Variants in RBL1 observed in about 807,000 individuals in gnomAD.
The protein encoded by RBL1 is retinoblastoma-like protein 1.
RBL1 carries 82 observed loss-of-function variants against 123.0 expected under a neutral mutation model. The ratio of observed to expected loss-of-function variants is 0.67; its 90% CI spans 0.56 to 0.80. The LOEUF (loss-of-function observed/expected upper bound fraction) is 0.80, where lower values mean the gene tolerates loss of function less well. Ranked by LOEUF, RBL1 falls within the 30% of genes least tolerant of loss-of-function variation. The pLI, the probability that RBL1 is intolerant of heterozygous loss-of-function variation, is 0.00. For missense variants in RBL1, 1,171 were observed against 1,299.6 expected (o/e 0.90, Z 1.52); for synonymous variants, 405 against 441.3 (o/e 0.92, Z 1.03).
At chr20:37,057,364 C>A (rs2065027516) in intron 9 of RBL1, among the ~76,000 whole-genome samples, 1 of 152,088 alleles carries the variant, frequency 6.6e-6, no homozygotes, top group South Asian at 2.1e-4. Flanking sequence ...CCAACACCTG[C>A]TATTTTGGTT....
chr20:37,069,037 G>A (rs1255973701), intron 2 of RBL1, among the ~76,000 whole-genome samples: 2 of 152,360 alleles, frequency 1.3e-5, no homozygotes, highest in African/African-American at 2.4e-5. Flanking sequence ...ACGGGGTTTC[G>A]CTGTGTTGGC....
Position 37,095,770 on chromosome 20 carries a change from C to A in RBL1, c.156+3G>T, listed in dbSNP as rs754618455. 17 of 1,584,978 alleles carry A rather than the reference C, an allele frequency of 1.1e-5. No individual in the cohort carries two copies. The highest frequency in any genetic ancestry group is 1.5e-5 in the Non-Finnish European group (17 of 1,162,212). On this transcript the variant is annotated splice_donor_region_variant and intron_variant, in intron 1 of 21. Coordinates refer to ENST00000373664, the MANE Select transcript of RBL1 (RefSeq NM_002895.5). ...TCCGGCCGCCCCACCTGCTGCCGCTCACCTCTAGGCTGTAGTTGCCTCGGA... is the reference window on the plus strand; with the variant it reads ...TCCGGCCGCCCCACCTGCTGCCGCTAACCTCTAGGCTGTAGTTGCCTCGGA...
intron 18 of RBL1, among the ~76,000 whole-genome samples, chr20:37,020,104 T>G (rs1369273621): frequency 6.6e-6 from 1 of 150,476 alleles, no homozygotes; most frequent in African/African-American, 2.4e-5. Context: ...TTTTTTTTTT[T>G]TTGAGACAGA....
At chr20:37,027,725 A>G (rs2064449055) in intron 16 of RBL1, among the ~76,000 whole-genome samples, 1 of 152,212 alleles carries the variant, frequency 6.6e-6, no homozygotes, top group African/African-American at 2.4e-5. Flanking sequence ...TCATATGCTA[A>G]TTTAAAGGGT....
At chr20:37,004,013 A>G (rs1414350970) in intron 20 of RBL1, 147 bp from the exon 21 acceptor site, 2 of 593,642 alleles carry the variant, frequency 3.4e-6, no homozygotes, top group Admixed American at 4.0e-5. Flanking sequence ...ATGATCCTTT[A>G]CTTCTTCTTT....
At position 37,095,760 on chromosome 20, in the gene RBL1, T is replaced by G. The variant is rs1204070347; in HGVS notation, c.156+13A>C. ...GAGGGTAGGGTCCGGCCGCCCCACC[T>G]GCTGCCGCTCACCTCTAGGCTGTAG... is the stretch of plus-strand genomic sequence containing the variant. On this transcript the variant is annotated intron_variant, in intron 1 of 21. Transcript: ENST00000373664. The G allele has an allele frequency of 6.3e-7, 1 of 1,575,082 alleles. No individual in the cohort carries two copies. The highest frequency in any genetic ancestry group is 8.7e-7 in the Non-Finnish European group (1 of 1,155,336).
intron 16 of RBL1, among the ~76,000 whole-genome samples, chr20:37,030,059 A>G (rs181293895): frequency 2.0e-5 from 3 of 152,212 alleles, no homozygotes; most frequent in Admixed American, 1.3e-4. Flanking sequence ...AAATTCCACA[A>G]TGTTTTTGCA....
chr20:37,061,303 A>G, intron 8 of RBL1, 34 bp from the exon 9 acceptor site: 2 of 1,599,800 alleles, frequency 1.3e-6, no homozygotes, highest in South Asian at 2.2e-5. Flanking sequence ...AGTTTTTAAA[A>G]GTTACCATCT....
At chr20:37,051,181 T>C (rs528008812) in intron 11 of RBL1, among the ~76,000 whole-genome samples, 38 of 92,506 alleles carry the variant, frequency 4.1e-4, no homozygotes, top group African/African-American at 1.6e-3. Context: ...CCACAGATCT[T>C]TTTTTCTTTT....
chr20:37,024,356 A>G (rs574985334), intron 16 of RBL1, among the ~76,000 whole-genome samples: 3 of 152,322 alleles, frequency 2.0e-5, no homozygotes, highest in South Asian at 4.1e-4. Context: ...AGAACTTTAT[A>G]TTCATGAAAG....
At position 37,009,596 on chromosome 20, in the gene RBL1, G is replaced by A. The variant is rs377386240; in HGVS notation, c.2723-2037C>T. On this transcript the variant is annotated intron_variant, in intron 19 of 21. Transcript: ENST00000373664. ...GCTGGTCTCTAACTCCTGGGCTCAA[G>A]TGATCCTCCCACCTTGGCCTCTCAA... Among the ~76,000 whole-genome samples the A allele has an allele frequency of 5.3e-5, 8 of 152,090 alleles. No homozygotes were observed. The South Asian group carries it at 1.7e-3, about 32-fold the overall frequency.
At position 37,042,902 on chromosome 20, in the gene RBL1, C is replaced by A. The variant is rs373947379; in HGVS notation, c.1770+1184G>T. On this transcript the variant is annotated intron_variant, in intron 13 of 21. Coordinates refer to ENST00000373664, the MANE Select transcript of RBL1 (RefSeq NM_002895.5). ...TGACAGAGTGAGATCTTGTCCCCCC[C>A]CCTCCAAAAAAAAAAAAAAAAAAGT... Among the ~76,000 whole-genome samples the A allele has an allele frequency of 9.8e-4, 114 of 116,656 alleles. 6 individuals are homozygous for A. Among genetic ancestry groups the A allele is most frequent in the Middle Eastern group, 3.7e-3 (1 of 270 alleles). 76.5% of individuals were successfully genotyped at this position (116,656 alleles called of 152,430 possible).
chr20:37,018,609 A>G (rs2064292741), intron 18 of RBL1, among the ~76,000 whole-genome samples: 1 of 152,214 alleles, frequency 6.6e-6, no homozygotes, highest in Non-Finnish European at 1.5e-5. Context: ...CAGAAGAAAT[A>G]GCAACTAAAG....
chr20:37,069,281 G>A (rs1333105583), intron 2 of RBL1, among the ~76,000 whole-genome samples: 3 of 150,930 alleles, frequency 2.0e-5, no homozygotes, highest in South Asian at 2.1e-4. Context: ...AGTGAGGAGC[G>A]TCTCTGCCTG....
rs2064255162 is a variant in RBL1, at chr20:37,016,449, A to AT, written c.2722+1829_2722+1830insA. On this transcript the variant is annotated intron_variant, in intron 19 of 21. Coordinates refer to ENST00000373664, the MANE Select transcript of RBL1 (RefSeq NM_002895.5). ...GGAGTCAGATTCTAGGACATTATTA[A>AT]AAGATCTTTTTGGTGAATGAAATCT... Among the ~76,000 whole-genome samples, 3 of 152,344 alleles carry AT rather than the reference A, an allele frequency of 2.0e-5. No individual in the cohort carries two copies. The South Asian group carries it at 6.2e-4, about 32-fold the overall frequency.
chr20:37,072,392 C>T lies in RBL1; in HGVS notation c.291-4206G>A, dbSNP rs141861412. ...CTGAGGCAGGAGAATTGCTTGAACC[C>T]GGGAGGTGGAAGTTGCGGGGAGGTG... On this transcript the variant is annotated intron_variant, in intron 2 of 21. Coordinates refer to ENST00000373664, the MANE Select transcript of RBL1 (RefSeq NM_002895.5). Among the ~76,000 whole-genome samples, 21 of 152,078 alleles carry T rather than the reference C, an allele frequency of 1.4e-4. No homozygotes were observed. In the East Asian group the frequency reaches 2.9e-3, roughly 21 times the overall value.
intron 11 of RBL1, among the ~76,000 whole-genome samples, chr20:37,050,063 A>C (rs538588757): frequency 4.6e-4 from 65 of 142,472 alleles, no homozygotes; most frequent in African/African-American, 1.6e-3. Flanking sequence ...ACTCCATCTC[A>C]AAAAAAAAAA....
At chr20:37,053,342 A>C (rs1215566715) in intron 11 of RBL1, among the ~76,000 whole-genome samples, 1 of 152,208 alleles carries the variant, frequency 6.6e-6, no homozygotes, top group East Asian at 1.9e-4. Flanking sequence ...CTACGTCTGC[A>C]TGAGTTCTCT....
At chr20:37,094,437 T>C (rs2065696259) in intron 1 of RBL1, among the ~76,000 whole-genome samples, 1 of 152,176 alleles carries the variant, frequency 6.6e-6, no homozygotes, top group Non-Finnish European at 1.5e-5. Flanking sequence ...CTCCTTCATA[T>C]ATAGGCACAC....
Sources: gnomAD v4.1 joint callset for allele counts (sites outside exome capture counted in the v4.1 genomes callset) on GRCh38, gnomAD v4.1.1 for gene constraint, MANE v1.5 for transcripts, NCBI Gene and HGNC (gene_info 2026-07-23, HGNC 2026-07-21) for gene names.